Variants in TAF15 observed in about 807,000 individuals in gnomAD.
TAF15 encodes the protein TATA-box binding protein associated factor 15.
TAF15 carries 37 observed loss-of-function variants against 102.5 expected under a neutral mutation model. The ratio of observed to expected loss-of-function variants is 0.36; its 90% confidence interval spans 0.28 to 0.47. The LOEUF (loss-of-function observed/expected upper bound fraction) is 0.47, where lower values mean the gene tolerates loss of function less well. Ranked by LOEUF, TAF15 falls within the 20% of genes least tolerant of loss-of-function variation. The probability of loss-of-function intolerance (pLI) is 0.99; values close to 1 mark genes in which losing one functional copy is unlikely to be tolerated. For missense variants in TAF15, 652 were observed against 760.7 expected, an observed-to-expected ratio of 0.86 and a Z score of 1.68; for synonymous variants, 273 against 259.2, an observed-to-expected ratio of 1.05 and a Z score of -0.51.
At chr17:35,838,900 GT>G (rs1265373111) in intron 11 of TAF15, among the ~76,000 whole-genome samples, 1 of 152,060 alleles carries the variant, frequency 6.6e-6, no homozygotes, top group African/African-American at 2.4e-5. Flanking sequence ...AAAGTCTGGG[GT>G]TTTCCTGTAT....
At chr17:35,815,963 T>C (rs1454421385) in intron 1 of TAF15, among the ~76,000 whole-genome samples, 1 of 152,212 alleles carries the variant, frequency 6.6e-6, no homozygotes, top group Admixed American at 6.5e-5. Context: ...TTTCATTTAA[T>C]ACTTTTTTTC....
chr17:35,843,993 A>G, intron 12 of TAF15, 84 bp from the exon 13 acceptor site: 3 of 1,172,444 alleles, frequency 2.6e-6, no homozygotes, highest in Non-Finnish European at 3.9e-6. Context: ...ATTGATGGGT[A>G]TCTACTCTTA....
chr17:35,822,282 G>A (rs148442965), intron 5 of TAF15, among the ~76,000 whole-genome samples: 76 of 151,170 alleles, frequency 5.0e-4, no homozygotes, highest in Non-Finnish European at 6.5e-4. Context: ...TGGAGGTTGC[G>A]GTGAGCCACG....
intron 11 of TAF15, among the ~76,000 whole-genome samples, chr17:35,840,186 T>C (rs954043587): frequency 2.6e-5 from 4 of 151,994 alleles, no homozygotes; most frequent in Non-Finnish European, 5.9e-5. Context: ...ACACTTGCAG[T>C]TCCTTTCAGT....
intron 15 of TAF15, 57 bp downstream of exon 15, chr17:35,845,095 A>AT: frequency 6.2e-7 from 1 of 1,604,996 alleles, no homozygotes; most frequent in South Asian, 1.1e-5. Flanking sequence ...AGATTGGGGG[A>AT]TTTGAACCAC....
rs774330994 is a variant in TAF15, at chr17:35,844,594, G to A, written c.1295G>A (p.Ser432Asn). The change falls in exon 15 of 16, where the codon AGC becomes AAC. Residue 432 changes from serine (S) to asparagine (N), a missense_variant. Coordinates refer to ENST00000605844, the MANE Select transcript of TAF15 (RefSeq NM_139215.3). ...RSGGGYGGDR[S>N]SGGGYSGDRS... ...GGGGGTGGCTATGGTGGAGACAGAA[G>A]CAGCGGTGGTGGCTACAGCGGAGAT... 14 of 1,599,692 alleles carry A rather than the reference G, an allele frequency of 8.8e-6. No homozygotes were observed. The highest frequency in any genetic ancestry group is 1.2e-5 in the Non-Finnish European group (14 of 1,172,256).
At chr17:35,809,914 A>AGCAT in intron 1 of TAF15, 1 of 512,286 alleles carries the variant, frequency 2.0e-6, no homozygotes, top group Non-Finnish European at 3.5e-6. Context: ...CCGAGATTAG[A>AGCAT]GCATCAGCCT....
intron 11 of TAF15, among the ~76,000 whole-genome samples, chr17:35,839,681 C>T (rs1038032153): frequency 2.6e-5 from 4 of 152,190 alleles, no homozygotes; most frequent in East Asian, 1.9e-4. Context: ...CGCACCCGGC[C>T]GAGATGCTTT....
At chr17:35,835,080 C>G (rs1378177219) in intron 9 of TAF15, among the ~76,000 whole-genome samples, 1 of 152,084 alleles carries the variant, frequency 6.6e-6, no homozygotes, top group African/African-American at 2.4e-5. Context: ...CAGAAAAATT[C>G]AGGAGTATTG....
At position 35,842,443 on chromosome 17, in the gene TAF15, T is replaced by C. The variant is rs2087559215; in HGVS notation, c.990T>C (p.Ser330=). 2 of 1,613,902 alleles carry C rather than the reference T, an allele frequency of 1.2e-6. No homozygotes were observed. Among genetic ancestry groups the C allele is most frequent in the South Asian group, 2.2e-5 (2 of 91,058 alleles). Residue 330 remains serine, a synonymous_variant, in exon 12 of 16, where the codon AGT becomes AGC. Coordinates refer to ENST00000605844, the MANE Select transcript of TAF15 (RefSeq NM_139215.3). The part of the protein sequence containing the change: ...RRPEFMRGGG[S]GGGRRGRGGY... ...CTGAATTCATGAGAGGAGGTGGAAG[T>C]GGAGGTGGGCGGCGAGGTAAGATCC...
rs773306960 is a variant in TAF15 at position 35,809,513 on chromosome 17, C to G, written c.-57C>G. ...CAGCTCCGGCCGCCGCGCCGCCTGG[C>G]TTTCGTATTCGTTGTTCTCGGCGGG... On this transcript the variant is annotated 5_prime_UTR_variant, in exon 1 of 16. Coordinates refer to ENST00000605844, the MANE Select transcript of TAF15 (RefSeq NM_139215.3). 34 of 1,611,160 alleles carry G rather than the reference C, an allele frequency of 2.1e-5. No individual in the cohort carries two copies. The highest frequency in any genetic ancestry group is 2.7e-5 in the Non-Finnish European group (32 of 1,179,254).
Position 35,822,829 on chromosome 17 carries a change from A to C in TAF15, c.480A>C (p.Thr160=), listed in dbSNP as rs771421028. The change falls in exon 6 of 16, where the codon ACA becomes ACC. Residue 160 remains threonine, a synonymous_variant. Coordinates refer to ENST00000605844, the MANE Select transcript of TAF15 (RefSeq NM_139215.3). ...HSQRENYSHH[T]QDDRRDVSRY... Reference sequence around the variant, plus strand: ...AAAGGGAAAACTACAGCCACCACACACAAGGTAAGATTTACTGACCTCTAT... The same window carrying C: ...AAAGGGAAAACTACAGCCACCACACCCAAGGTAAGATTTACTGACCTCTAT... The C allele has an allele frequency of 5.8e-5, 93 of 1,613,984 alleles. No individual in the cohort carries two copies. Among genetic ancestry groups the C allele is most frequent in the Non-Finnish European group, 7.6e-5 (90 of 1,179,970 alleles).
chr17:35,836,084 T>A (rs758948361), intron 9 of TAF15, 48 bp from the exon 10 acceptor site: 8 of 1,288,604 alleles, frequency 6.2e-6, no homozygotes, highest in South Asian at 1.2e-5. Context: ...GAACAGAATG[T>A]CATAACCAAG....
chr17:35,828,393 T>C (rs572328848), intron 7 of TAF15, among the ~76,000 whole-genome samples: 134 of 152,310 alleles, frequency 8.8e-4, no homozygotes, highest in Middle Eastern at 3.4e-3. Context: ...TGAGAAAATC[T>C]ATTTAACTCA....
At chr17:35,842,003 C>T (rs2087553879) in intron 11 of TAF15, among the ~76,000 whole-genome samples, 1 of 151,970 alleles carries the variant, frequency 6.6e-6, no homozygotes, top group Non-Finnish European at 1.5e-5. Flanking sequence ...TGGCCTTTTT[C>T]TCCACCCCTG....
At chr17:35,833,808 T>A in intron 7 of TAF15, 99 bp from the exon 8 acceptor site, 1 of 1,242,206 alleles carries the variant, frequency 8.1e-7, no homozygotes, top group South Asian at 1.2e-5. Flanking sequence ...ACTGTTTTCC[T>A]AAGCACTCTA....
chr17:35,817,856 A>C, intron 2 of TAF15, 101 bp downstream of exon 2: 1 of 1,016,342 alleles, frequency 9.8e-7, no homozygotes, highest in Non-Finnish European at 1.6e-6. Flanking sequence ...CATAAGTTAA[A>C]TATTAGCTTG....
chr17:35,833,350 A>T (rs2087430578), intron 7 of TAF15, among the ~76,000 whole-genome samples: 1 of 152,088 alleles, frequency 6.6e-6, no homozygotes, highest in South Asian at 2.1e-4. Flanking sequence ...GTTTTGAATG[A>T]TTTGAAATTT....
At chr17:35,843,218 G>A (rs1264648858) in intron 12 of TAF15, among the ~76,000 whole-genome samples, 1 of 151,534 alleles carries the variant, frequency 6.6e-6, no homozygotes, top group South Asian at 2.1e-4. Flanking sequence ...CTCCCTCCCG[G>A]GTTCAAGTGA....
Sources: allele counts gnomAD v4.1 joint callset (sites outside exome capture counted in the v4.1 genomes callset), GRCh38; gene constraint gnomAD v4.1.1; transcripts MANE v1.5; gene names NCBI Gene and HGNC (gene_info 2026-07-23, HGNC 2026-07-21).